The following CENPN variants were observed in gnomAD, a reference collection of about 807,000 sequenced individuals.
CENPN encodes the protein interphase centromere complex protein 32.
Under a neutral mutation model 48.6 loss-of-function variants are expected in CENPN, and 36 were observed. The observed-to-expected ratio is 0.74, with a 90% CI of 0.57 to 0.98. The LOEUF is 0.98. CENPN is among the 50% of genes least tolerant of loss of function. The pLI, the probability that CENPN is intolerant of heterozygous loss-of-function variation, is 0.00. For synonymous variants in CENPN, 166 were observed against 135.2 expected (o/e 1.23, Z -1.58); for missense variants, 439 against 399.2 (o/e 1.10, Z -0.85).
chr16:81,008,901 C>G (rs894352858), intron 1 of CENPN, among the ~76,000 whole-genome samples: 2 of 152,220 alleles, frequency 1.3e-5, no homozygotes, highest in African/African-American at 4.8e-5. Flanking sequence ...TCAGATAGTT[C>G]TGTAAAGACA....
intron 1 of CENPN, 59 bp downstream of exon 1, chr16:81,007,336 G>A (rs1969458988): frequency 6.6e-6 from 1 of 152,338 alleles, no homozygotes; most frequent in Non-Finnish European, 1.5e-5. Context: ...CCTTGAGGAA[G>A]CCAGATCCCA....
At chr16:81,021,637 A>G (rs1159925706) in intron 6 of CENPN, among the ~76,000 whole-genome samples, 3 of 152,120 alleles carry the variant, frequency 2.0e-5, no homozygotes, top group African/African-American at 7.2e-5. Context: ...CTATTTCCTT[A>G]AAACACTTCT....
At chr16:81,026,115 A>G (rs12597463) in intron 8 of CENPN, among the ~76,000 whole-genome samples, 10 of 133,538 alleles carry the variant, frequency 7.5e-5, no homozygotes, top group Middle Eastern at 3.8e-3. Context: ...GTATATATAT[A>G]TGTATATATA....
intron 6 of CENPN, chr16:81,022,323 C>T: frequency 8.3e-6 from 3 of 361,852 alleles, no homozygotes; most frequent in East Asian, 1.1e-4. Flanking sequence ...TTGTTTATTC[C>T]AAAGTCTGAA....
At chr16:81,015,419 G>T (rs1396569365) in intron 3 of CENPN, among the ~76,000 whole-genome samples, 1 of 152,244 alleles carries the variant, frequency 6.6e-6, no homozygotes, top group Non-Finnish European at 1.5e-5. Context: ...CTGTATAATA[G>T]TGATAATATC....
chr16:81,013,183 T>C lies in CENPN; in HGVS notation c.172-953T>C, dbSNP rs151264800. ...GATTGTGATGTTTCCATACAGTGGATATACTCAGCAGTAAAAAGGAATGAA... is the reference window on the plus strand; with the variant it reads ...GATTGTGATGTTTCCATACAGTGGACATACTCAGCAGTAAAAAGGAATGAA... On this transcript the variant is annotated intron_variant, in intron 2 of 10. Coordinates refer to ENST00000305850, the MANE Select transcript of CENPN (RefSeq NM_001100624.3). Among the ~76,000 whole-genome samples the C allele has an allele frequency of 2.9e-3, 439 of 152,288 alleles. 4 individuals carry two copies. The highest frequency in any genetic ancestry group is 0.01 in the African/African-American group (417 of 41,554).
At chr16:81,027,877 G>A (rs1970580276) in intron 9 of CENPN, among the ~76,000 whole-genome samples, 2 of 152,100 alleles carry the variant, frequency 1.3e-5, no homozygotes, top group South Asian at 4.1e-4. Flanking sequence ...GCTAATTATT[G>A]TATTTTTAGT....
downstream of CENPN, among the ~76,000 whole-genome samples, chr16:81,032,163 T>A (rs1017236813): frequency 6.6e-6 from 1 of 152,184 alleles, no homozygotes; most frequent in African/African-American, 2.4e-5. Flanking sequence ...GAAAGCTTCT[T>A]ACTAAAAGAA....
intron 8 of CENPN, among the ~76,000 whole-genome samples, chr16:81,026,127 GTGTGTATATATATATGTATATATATA>G (rs1970468692): frequency 1.0e-5 from 1 of 95,656 alleles, no homozygotes; most frequent in Non-Finnish European, 2.1e-5. Flanking sequence ...GTATATATAT[GTGTGTATATATATATGTATATATATA>G]TGTGTATATA....
rs1256167280 is a variant in CENPN at position 81,028,843 on chromosome 16, C to G, written c.*192C>G. On this transcript the variant is annotated 3_prime_UTR_variant, in exon 11 of 11. Transcript: ENST00000305850. The stretch of plus-strand genomic sequence containing the variant: ...ACGATATGCCTCCTCTCTCTGATAT[C>G]CTGCTAACTGTAGCCGTTGTGGCAT... 2.9e-6 allele frequency: 4 copies of G among 1,360,804 alleles called. No homozygotes were observed. The highest frequency in any genetic ancestry group is 3.8e-6 in the Non-Finnish European group (4 of 1,062,270). 84.3% of individuals were successfully genotyped at this position (1,360,804 alleles called of 1,614,324 possible).
At chr16:81,015,079 A>G (rs1969884759) in intron 3 of CENPN, among the ~76,000 whole-genome samples, 1 of 152,256 alleles carries the variant, frequency 6.6e-6, no homozygotes, top group South Asian at 2.1e-4. Context: ...TATCAGGCAT[A>G]GCCCCATCAT....
At chr16:81,032,554 G>GTTTT, downstream of CENPN, 1 of 1,286,790 alleles carries the variant, frequency 7.8e-7, no homozygotes, top group South Asian at 1.3e-5. Context: ...GATTTTCAGT[G>GTTTT]TTTTTTTTTT....
Position 81,028,270 on chromosome 16 carries a change from G to A in CENPN, c.910G>A (p.Glu304Lys). Residue 304 changes from glutamate (E) to lysine (K), a missense_variant, in exon 10 of 11, where the codon GAA (glutamate) becomes AAA (lysine). Physicochemically the swap from Glu to Lys is moderately conservative, Grantham distance 56 (BLOSUM62 1). Coordinates refer to ENST00000305850, the MANE Select transcript of CENPN (RefSeq NM_001100624.3). ...LIKFSSPHLL[E>K]ALKSLAPAGI... ...AAAGTTCTCTAGCCCACATCTTCTG[G>A]AAGCATTGAAATCCTTAGCACCAGC... 1 of 1,614,090 alleles carries A rather than the reference G, an allele frequency of 6.2e-7. No individual in the cohort carries two copies.
chr16:81,012,783 C>T (rs892003071), intron 2 of CENPN, among the ~76,000 whole-genome samples: 3 of 152,074 alleles, frequency 2.0e-5, no homozygotes, highest in African/African-American at 4.8e-5. Context: ...TCAGTAGAGA[C>T]GAGGTTTTGC....
At chr16:81,015,227 T>C (rs1346406583) in intron 3 of CENPN, among the ~76,000 whole-genome samples, 1 of 152,242 alleles carries the variant, frequency 6.6e-6, no homozygotes, top group Non-Finnish European at 1.5e-5. Flanking sequence ...TCTGTACTTT[T>C]TCAAGATGTC....
chr16:81,031,950 TC>T (rs1189268936), downstream of CENPN, among the ~76,000 whole-genome samples: 5 of 152,320 alleles, frequency 3.3e-5, no homozygotes, highest in African/African-American at 1.2e-4. Flanking sequence ...ACTCACTGTT[TC>T]ATTTGTGAAA....
downstream of CENPN, chr16:81,032,621 A>G: frequency 6.2e-7 from 1 of 1,613,776 alleles, no homozygotes; most frequent in Non-Finnish European, 8.5e-7. Flanking sequence ...AGCCACAGTC[A>G]AGGGACCCAG....
intron 5 of CENPN, among the ~76,000 whole-genome samples, chr16:81,018,305 C>G (rs1020498882): frequency 6.6e-6 from 1 of 151,936 alleles, no homozygotes; most frequent in African/African-American, 2.4e-5. Context: ...TCCCGAGTAG[C>G]TGGGACTACA....
At chr16:81,024,800 A>G (rs745539642) in intron 8 of CENPN, 22 bp downstream of exon 8, 34 of 1,534,462 alleles carry the variant, frequency 2.2e-5, no homozygotes, top group Non-Finnish European at 3.0e-5. Context: ...TTAATATGAA[A>G]CTGAATTTTG....
Sources: allele counts gnomAD v4.1 joint callset (sites outside exome capture counted in the v4.1 genomes callset), GRCh38; gene constraint gnomAD v4.1.1; transcripts MANE v1.5; gene names NCBI Gene and HGNC (gene_info 2026-07-23, HGNC 2026-07-21).